The following FER variants were observed in gnomAD, a reference collection of about 807,000 sequenced individuals.
FER encodes the protein FER tyrosine kinase.
A neutral mutation model predicts 111.0 loss-of-function variants in FER; 63 were observed. The ratio of observed to expected loss-of-function variants is 0.57; its 90% CI spans 0.46 to 0.70. FER has a LOEUF of 0.70. Ranked by LOEUF, FER falls within the 30% of genes least tolerant of loss-of-function variation. FER has a pLI of 0.00. For missense variants in FER, 914 were observed against 954.0 expected, an observed-to-expected ratio of 0.96 and a Z score of 0.55; for synonymous variants, 327 against 313.9, an observed-to-expected ratio of 1.04 and a Z score of -0.44.
chr5:109,119,710 T>A (rs1047157066), intron 17 of FER, among the ~76,000 whole-genome samples: 3 of 151,676 alleles, frequency 2.0e-5, no homozygotes, highest in African/African-American at 7.2e-5. Context: ...GGGTGCATAG[T>A]GTTTGTATTA....
intron 16 of FER, among the ~76,000 whole-genome samples, chr5:109,073,789 C>A (rs1324475239): frequency 6.6e-6 from 1 of 152,074 alleles, no homozygotes; most frequent in Non-Finnish European, 1.5e-5. Flanking sequence ...TGAAAAAAAT[C>A]CACATATAAG....
intron 13 of FER, among the ~76,000 whole-genome samples, chr5:109,035,854 G>C (rs1351353923): frequency 3.9e-5 from 6 of 152,170 alleles, no homozygotes; most frequent in Non-Finnish European, 8.8e-5. Context: ...ATCTTAATGG[G>C]TACGAAGTAA....
At chr5:109,051,774 G>A in intron 16 of FER, 1 of 1,581,824 alleles carries the variant, frequency 6.3e-7, no homozygotes, top group South Asian at 1.1e-5. Context: ...AGAAAACGTA[G>A]AAGAGTTCAA....
intron 10 of FER, among the ~76,000 whole-genome samples, chr5:108,933,186 G>C (rs2149588500): frequency 6.6e-6 from 1 of 152,128 alleles, no homozygotes; most frequent in Non-Finnish European, 1.5e-5. Context: ...TGTCCTGAAT[G>C]GTATTGCCTA....
chr5:108,844,354 A>G (rs1761662225), intron 5 of FER, among the ~76,000 whole-genome samples: 1 of 152,190 alleles, frequency 6.6e-6, no homozygotes, highest in Non-Finnish European at 1.5e-5. Context: ...ATCTGTTTTC[A>G]AATTCATTAC....
At chr5:108,909,172 A>G (rs1224627056) in intron 10 of FER, among the ~76,000 whole-genome samples, 1 of 152,202 alleles carries the variant, frequency 6.6e-6, no homozygotes, top group Non-Finnish European at 1.5e-5. Context: ...TAATTATTTT[A>G]TGACATTAAT....
At chr5:108,912,224 T>G (rs763334615) in intron 10 of FER, among the ~76,000 whole-genome samples, 31 of 152,316 alleles carry the variant, frequency 2.0e-4, no homozygotes, top group African/African-American at 6.7e-4. Flanking sequence ...CTAATACAAG[T>G]TACTTTAGCC....
chr5:108,982,557 A>G (rs1762121890), intron 13 of FER, among the ~76,000 whole-genome samples: 1 of 152,148 alleles, frequency 6.6e-6, no homozygotes, highest in Non-Finnish European at 1.5e-5. Flanking sequence ...AGAACTCAAA[A>G]GAAAGGTATC....
Position 109,187,915 on chromosome 5 carries a change from T to C in FER, c.*340T>C, listed in dbSNP as rs1759059017. On this transcript the variant is annotated 3_prime_UTR_variant, in exon 20 of 20. Transcript: ENST00000281092. ...TTGTTTCTACTTCAGGCACAGTTTGTAGGCTGCCATCCTATGCCACAGACC... is the reference window on the plus strand; with the variant it reads ...TTGTTTCTACTTCAGGCACAGTTTGCAGGCTGCCATCCTATGCCACAGACC... 7.3e-6 allele frequency: 2 copies of C among 275,308 alleles called. No homozygotes were observed. The highest frequency in any genetic ancestry group is 1.1e-4 in the Admixed American group (2 of 18,682). The allele number at this position is 275,308 out of a possible 1,614,324, so 17.1% of individuals were successfully genotyped here.
At chr5:109,003,558 T>C (rs1231532738) in intron 13 of FER, among the ~76,000 whole-genome samples, 3 of 152,086 alleles carry the variant, frequency 2.0e-5, no homozygotes, top group Non-Finnish European at 4.4e-5. Context: ...ATGGCACATG[T>C]ATACATATGT....
Position 109,154,188 on chromosome 5 carries a change from T to C in FER, c.2049-26559T>C, listed in dbSNP as rs572501161. On this transcript the variant is annotated intron_variant, in intron 17 of 19. Coordinates refer to ENST00000281092, the MANE Select transcript of FER (RefSeq NM_005246.4). ...ACAAGTGTAACAGATGTTTTGACAT[T>C]ATACTTCTTCACAGCAGGTGTCATG... 5.9e-5 allele frequency among the ~76,000 whole-genome samples: 9 copies of C among 152,080 alleles called. 1 individual carries two copies. In the South Asian group the frequency reaches 1.9e-3, roughly 32 times the overall value.
At chr5:109,004,331 C>G (rs1388014514) in intron 13 of FER, among the ~76,000 whole-genome samples, 1 of 152,134 alleles carries the variant, frequency 6.6e-6, no homozygotes, top group Non-Finnish European at 1.5e-5. Flanking sequence ...AGTTTATTGG[C>G]TATCACTCAG....
chr5:109,099,648 A>G (rs1327524479), intron 16 of FER, among the ~76,000 whole-genome samples: 2 of 151,616 alleles, frequency 1.3e-5, no homozygotes, highest in African/African-American at 2.4e-5. Context: ...CAAGAAAACT[A>G]TATTATTAAA....
At chr5:108,970,922 G>C (rs1444874727) in intron 13 of FER, among the ~76,000 whole-genome samples, 4 of 152,032 alleles carry the variant, frequency 2.6e-5, no homozygotes, top group African/African-American at 9.7e-5. Context: ...ATGCCATTCT[G>C]GTAAAGGTTT....
At chr5:109,101,286 A>G (rs1748204799) in intron 17 of FER, among the ~76,000 whole-genome samples, 1 of 152,018 alleles carries the variant, frequency 6.6e-6, no homozygotes, top group Admixed American at 6.6e-5. Context: ...GAAACTGTGC[A>G]TAATACTGTT....
chr5:109,146,568 G>C (rs1197720695), intron 17 of FER, among the ~76,000 whole-genome samples: 2 of 151,396 alleles, frequency 1.3e-5, no homozygotes, highest in African/African-American at 2.4e-5. Flanking sequence ...ACATTTCCTT[G>C]TATGGCAAAA....
At chr5:109,129,428 C>T (rs142639644) in intron 17 of FER, among the ~76,000 whole-genome samples, 2 of 152,002 alleles carry the variant, frequency 1.3e-5, no homozygotes, top group African/African-American at 4.8e-5. Flanking sequence ...ATATTGAAGT[C>T]CTGTATCATA....
At chr5:108,751,302 A>G (rs1253824656) in intron 1 of FER, among the ~76,000 whole-genome samples, 1 of 151,916 alleles carries the variant, frequency 6.6e-6, no homozygotes, top group East Asian at 1.9e-4. Context: ...TAAGGTGCTT[A>G]TTTTTGTTTG....
intron 16 of FER, among the ~76,000 whole-genome samples, chr5:109,048,514 A>G (rs185551204): frequency 6.6e-6 from 1 of 152,338 alleles, no homozygotes; most frequent in African/African-American, 2.4e-5. Flanking sequence ...AGGACCACAG[A>G]TGCAAATACC....
Sources: gnomAD v4.1 joint callset for allele counts (sites outside exome capture counted in the v4.1 genomes callset) on GRCh38, gnomAD v4.1.1 for gene constraint, MANE v1.5 for transcripts, NCBI Gene and HGNC (gene_info 2026-07-23, HGNC 2026-07-21) for gene names.